Variants in DLG2 observed in about 807,000 individuals in gnomAD.
The protein encoded by DLG2 is disks large homolog 2.
In DLG2, 45 loss-of-function variants were observed where a neutral mutation model predicts 132.5. The ratio of observed to expected loss-of-function variants is 0.34; its 90% CI spans 0.27 to 0.44. DLG2 has a LOEUF of 0.44. Among genes scored for constraint, DLG2 ranks in the 20% least tolerant of loss-of-function variants. The pLI is 1.00. For missense variants in DLG2, 1,045 were observed against 1,196.9 expected (o/e 0.87, Z 1.87); for synonymous variants, 424 against 419.6 (o/e 1.01, Z -0.13).
chr11:83,578,938 T>C (rs865856150), intron 19 of DLG2, among the ~76,000 whole-genome samples: 4 of 152,350 alleles, frequency 2.6e-5, no homozygotes, highest in East Asian at 1.9e-4. Context: ...AGTGATAGAA[T>C]TGAGCATTCA....
chr11:84,105,988 T>C (rs1333803136), intron 9 of DLG2, among the ~76,000 whole-genome samples: 1 of 152,128 alleles, frequency 6.6e-6, no homozygotes, highest in Non-Finnish European at 1.5e-5. Context: ...GCCCCTAATC[T>C]GTAAATTTCT....
rs566453572 is a variant in DLG2, at chr11:84,564,195, T to C, written c.358-29464A>G. 3.9e-5 allele frequency among the ~76,000 whole-genome samples: 6 copies of C among 152,340 alleles called. No homozygotes were observed. The East Asian group carries it at 1.2e-3, about 29-fold the overall frequency. ...ACAGGTGGTTGCAAAGGCTCGTCTATGCAGTATTATTGGGGGTTTTTATAA... is the reference window on the plus strand; with the variant it reads ...ACAGGTGGTTGCAAAGGCTCGTCTACGCAGTATTATTGGGGGTTTTTATAA... On this transcript the variant is annotated intron_variant, in intron 6 of 27. Transcript: ENST00000376104.
intron 6 of DLG2, among the ~76,000 whole-genome samples, chr11:84,822,641 C>T (rs1178662957): frequency 6.6e-6 from 1 of 151,902 alleles, no homozygotes. Flanking sequence ...AACTATGTTT[C>T]TCTCTTAAGA....
chr11:85,369,796 G>C (rs2084837333), intron 3 of DLG2, among the ~76,000 whole-genome samples: 1 of 152,180 alleles, frequency 6.6e-6, no homozygotes. Flanking sequence ...TCTTCTGCCT[G>C]TCTGTGTGTG....
At chr11:84,405,791 A>C (rs2098846725) in intron 7 of DLG2, among the ~76,000 whole-genome samples, 1 of 152,202 alleles carries the variant, frequency 6.6e-6, no homozygotes, top group Admixed American at 6.5e-5. Flanking sequence ...GGAAGGCCTC[A>C]CTAAGAAGGT....
intron 3 of DLG2, among the ~76,000 whole-genome samples, chr11:85,494,303 A>C (rs991238928): frequency 6.6e-6 from 1 of 152,224 alleles, no homozygotes; most frequent in African/African-American, 2.4e-5. Context: ...TGCTCCAAAC[A>C]AGGTAGAAAA....
At chr11:84,483,810 T>C (rs925665552) in intron 7 of DLG2, among the ~76,000 whole-genome samples, 3 of 152,198 alleles carry the variant, frequency 2.0e-5, no homozygotes, top group African/African-American at 4.8e-5. Context: ...TGCCGCCTAA[T>C]TGAGTTCATT....
chr11:84,549,877 C>T (rs1475106262), intron 6 of DLG2, among the ~76,000 whole-genome samples: 1 of 152,042 alleles, frequency 6.6e-6, no homozygotes, highest in Non-Finnish European at 1.5e-5. Flanking sequence ...CCTCAGACTC[C>T]TAAGTAGCTG....
chr11:85,111,682 C>A lies in DLG2; in HGVS notation c.336G>T (p.Trp112Cys). The change falls in exon 6 of 28, where the codon TGG becomes TGT. Residue 112 changes from tryptophan (W) to cysteine (C), a missense_variant. Trp to Cys is a radical substitution (Grantham distance 215). Transcript: ENST00000376104. ...TTACAGTACAGTGGTGGACAGGCAT[C>A]CAAGCAGGGGCTTCCACTGAACAAT... ...AQNCSVEAPA[W>C]MPVHHCTKYR... The A allele has an allele frequency of 6.4e-7, 1 of 1,565,654 alleles. No homozygotes were observed. Among genetic ancestry groups the A allele is most frequent in the Non-Finnish European group, 8.7e-7 (1 of 1,154,308 alleles).
intron 3 of DLG2, among the ~76,000 whole-genome samples, chr11:85,338,274 C>T (rs188664203): frequency 7.9e-4 from 121 of 152,210 alleles, no homozygotes; most frequent in African/African-American, 2.7e-3. Flanking sequence ...ACAAGAAAAA[C>T]GTAAATCAAA....
At chr11:84,561,986 G>A (rs1315712557) in intron 6 of DLG2, among the ~76,000 whole-genome samples, 2 of 151,732 alleles carry the variant, frequency 1.3e-5, no homozygotes, top group Non-Finnish European at 2.9e-5. Flanking sequence ...ATCAAAATGT[G>A]ACAAAATTTC....
chr11:84,268,463 T>C (rs866434150), intron 7 of DLG2, among the ~76,000 whole-genome samples: 141 of 29,406 alleles, frequency 4.8e-3, no homozygotes, highest in African/African-American at 0.014. Flanking sequence ...TTCACCTCTT[T>C]TTTTTTTTTT....
At chr11:83,976,920 C>A (rs1469809878) in intron 12 of DLG2, among the ~76,000 whole-genome samples, 3 of 151,752 alleles carry the variant, frequency 2.0e-5, no homozygotes, top group Non-Finnish European at 2.9e-5. Context: ...ATATTTCCAC[C>A]TCCCCCTTTT....
chr11:84,724,444 C>T (rs1038798222), intron 6 of DLG2, among the ~76,000 whole-genome samples: 1 of 152,172 alleles, frequency 6.6e-6, no homozygotes, highest in Non-Finnish European at 1.5e-5. Context: ...CTACTCATGA[C>T]AGCTGGTTGT....
chr11:85,353,148 A>AG (rs2083428536), intron 3 of DLG2, among the ~76,000 whole-genome samples: 2 of 152,210 alleles, frequency 1.3e-5, no homozygotes, highest in Non-Finnish European at 2.9e-5. Flanking sequence ...CAAGAAAAAA[A>AG]CAAACAACCC....
chr11:83,700,628 C>A (rs1337816019), intron 18 of DLG2, among the ~76,000 whole-genome samples: 1 of 152,032 alleles, frequency 6.6e-6, no homozygotes, highest in Non-Finnish European at 1.5e-5. Flanking sequence ...TGAACAGTTG[C>A]CAATGAAATG....
intron 7 of DLG2, among the ~76,000 whole-genome samples, chr11:84,326,135 T>C (rs1018790957): frequency 5.3e-5 from 8 of 152,056 alleles, no homozygotes; most frequent in Non-Finnish European, 1.0e-4. Flanking sequence ...TCTCTTTTTT[T>C]ATTGGTTAAT....
At chr11:84,362,577 T>A (rs2154422011) in intron 7 of DLG2, among the ~76,000 whole-genome samples, 1 of 152,122 alleles carries the variant, frequency 6.6e-6, no homozygotes, top group African/African-American at 2.4e-5. Context: ...GTTACATATG[T>A]ATACATGTGA....
At chr11:83,830,774 C>T (rs2054262059) in intron 17 of DLG2, among the ~76,000 whole-genome samples, 1 of 152,182 alleles carries the variant, frequency 6.6e-6, no homozygotes, top group Admixed American at 6.5e-5. Context: ...CTCTCCAAAT[C>T]TCTTTTCTTC....
Sources: gnomAD v4.1 joint callset for allele counts (sites outside exome capture counted in the v4.1 genomes callset) on GRCh38, gnomAD v4.1.1 for gene constraint, MANE v1.5 for transcripts, NCBI Gene and HGNC (gene_info 2026-07-23, HGNC 2026-07-21) for gene names.